Variants in GRIK4 observed in about 807,000 individuals in gnomAD.
The protein encoded by GRIK4 is glutamate ionotropic receptor kainate type subunit 4.
GRIK4 carries 40 observed loss-of-function variants against 104.9 expected under a neutral mutation model. The observed-to-expected ratio is 0.38, with a 90% CI of 0.30 to 0.50. GRIK4 has a LOEUF of 0.50. Ranked by LOEUF, GRIK4 falls within the 20% of genes least tolerant of loss-of-function variation. The pLI is 0.93. For synonymous variants in GRIK4, 485 were observed against 524.9 expected, an observed-to-expected ratio of 0.92 and a Z score of 1.04; for missense variants, 1,047 against 1,308.1, an observed-to-expected ratio of 0.80 and a Z score of 3.08.
chr11:120,875,301 T>G, intron 11 of GRIK4, 58 bp downstream of exon 11: 2 of 1,100,780 alleles, frequency 1.8e-6, no homozygotes, highest in Admixed American at 3.4e-5. Context: ...ATTTCATTGA[T>G]GCCTCGGTGT....
intron 1 of GRIK4, among the ~76,000 whole-genome samples, chr11:120,582,972 C>T (rs1948608974): frequency 6.6e-6 from 1 of 152,218 alleles, no homozygotes; most frequent in South Asian, 2.1e-4. Flanking sequence ...ACATTCCCAC[C>T]AGCAGTGTAT....
At position 120,861,995 on chromosome 11, in the gene GRIK4, G is replaced by T. The variant is rs531010515; in HGVS notation, c.781G>T (p.Asp261Tyr). The T allele has an allele frequency of 6.2e-7, 1 of 1,613,904 alleles. No individual in the cohort carries two copies. The highest frequency in any genetic ancestry group is 1.3e-5 in the African/African-American group (1 of 75,058). The change falls in exon 9 of 21, where the codon GAT becomes TAT. Residue 261 changes from aspartate to tyrosine, a missense_variant. Around this residue, in one of 3 missense-constraint regions of GRIK4, gnomAD observed 447 missense variants for 514.9 expected, o/e 0.87. Transcript: ENST00000527524. ...SLQRMDSLVD[D>Y]RVNILGFSIF... ...CCAGAGAATGGACAGCCTTGTGGAT[G>T]ATCGTGTCAACATCCTGGGATTTTC... is the stretch of plus-strand genomic sequence containing the variant.
intron 1 of GRIK4, among the ~76,000 whole-genome samples, chr11:120,633,137 A>G (rs1367296412): frequency 6.6e-6 from 1 of 152,170 alleles, no homozygotes; most frequent in Non-Finnish European, 1.5e-5. Context: ...AGTAGAGTCA[A>G]CCAAGAACAT....
chr11:120,617,617 T>G (rs1949132935), intron 1 of GRIK4, among the ~76,000 whole-genome samples: 1 of 152,174 alleles, frequency 6.6e-6, no homozygotes, highest in Admixed American at 6.5e-5. Flanking sequence ...GATTGGATCA[T>G]AGAGGTGGAT....
intron 11 of GRIK4, among the ~76,000 whole-genome samples, chr11:120,890,250 T>C (rs1421462079): frequency 6.6e-6 from 1 of 152,192 alleles, no homozygotes; most frequent in Non-Finnish European, 1.5e-5. Flanking sequence ...TATTTCCAGA[T>C]GGAGAAGGTT....
intron 6 of GRIK4, among the ~76,000 whole-genome samples, 183 bp from the exon 7 acceptor site, chr11:120,831,669 A>G (rs58359402): frequency 0.36 from 55,286 of 151,990 alleles, 11,357 homozygotes; most frequent in East Asian, 0.51. Context: ...AGATGGGATC[A>G]TTGAAGCCCA....
chr11:120,893,794 T>C (rs187427007), intron 11 of GRIK4, among the ~76,000 whole-genome samples: 11 of 152,342 alleles, frequency 7.2e-5, no homozygotes, highest in Admixed American at 2.0e-4. Flanking sequence ...GGTCTTTTTT[T>C]TTCCCCCCAG....
chr11:120,766,815 A>G (rs1951848910), intron 3 of GRIK4, among the ~76,000 whole-genome samples: 1 of 150,356 alleles, frequency 6.7e-6, no homozygotes, highest in South Asian at 2.1e-4. Context: ...GAAATGAACC[A>G]GGTACCTCAG....
At chr11:120,569,436 G>A (rs1487305134) in intron 1 of GRIK4, among the ~76,000 whole-genome samples, 3 of 152,168 alleles carry the variant, frequency 2.0e-5, no homozygotes. Context: ...CTCTTGGACT[G>A]GAACAGATAC....
intron 16 of GRIK4, among the ~76,000 whole-genome samples, chr11:120,959,347 G>C (rs1944236934): frequency 6.6e-6 from 1 of 152,204 alleles, no homozygotes; most frequent in South Asian, 2.1e-4. Context: ...TCACTCCTGG[G>C]GAGGCAGCCA....
intron 3 of GRIK4, among the ~76,000 whole-genome samples, chr11:120,782,932 C>T (rs541522612): frequency 1.3e-5 from 2 of 152,308 alleles, no homozygotes; most frequent in East Asian, 3.9e-4. Flanking sequence ...AAGTTTCTGC[C>T]TTCCGAAGAG....
intron 1 of GRIK4, among the ~76,000 whole-genome samples, chr11:120,540,904 G>A (rs1342134761): frequency 6.6e-6 from 1 of 152,204 alleles, no homozygotes; most frequent in Admixed American, 6.5e-5. Flanking sequence ...TTGAGCCTGG[G>A]AGTTGAAGAG....
intron 7 of GRIK4, among the ~76,000 whole-genome samples, chr11:120,836,285 T>G (rs372199335): frequency 2.9e-4 from 44 of 152,310 alleles, no homozygotes; most frequent in African/African-American, 1.0e-3. Flanking sequence ...CCTTTCGTTG[T>G]GTCAGTTTCC....
At chr11:120,755,720 G>A (rs772028096) in intron 3 of GRIK4, among the ~76,000 whole-genome samples, 3 of 152,098 alleles carry the variant, frequency 2.0e-5, no homozygotes, top group South Asian at 2.1e-4. Flanking sequence ...GAGCCTGCTT[G>A]TGAAGGTCCC....
rs926270567 is a variant in GRIK4 at position 120,956,737 on chromosome 11, C to G, written c.1701-43C>G. 6.3e-6 allele frequency: 9 copies of G among 1,434,544 alleles called. No individual in the cohort carries two copies. The highest frequency in any genetic ancestry group is 8.4e-6 in the Non-Finnish European group (9 of 1,070,628). The allele number at this position is 1,434,544 out of a possible 1,614,324, so 88.9% of individuals were successfully genotyped here. ...GAGAGCCTGCCTGTGTCCCTTCACA[C>G]CCCGCCTCTGTGGCACTAGTGTATG... On this transcript the variant is annotated intron_variant, in intron 15 of 20. Transcript: ENST00000527524. The surrounding 1 kb of genome is among the most constrained non-coding windows in gnomAD (Gnocchi z 4.6).
intron 3 of GRIK4, among the ~76,000 whole-genome samples, chr11:120,754,930 A>T (rs1368530052): frequency 1.3e-5 from 2 of 152,112 alleles, no homozygotes; most frequent in Non-Finnish European, 2.9e-5. Context: ...ATAACCCCTT[A>T]TCATTTATAT....
chr11:120,889,497 A>G (rs1210459210), intron 11 of GRIK4, among the ~76,000 whole-genome samples: 1 of 147,684 alleles, frequency 6.8e-6, no homozygotes, highest in East Asian at 2.0e-4. Context: ...ACCTGAGAGT[A>G]AAAAAAAAAG....
At chr11:120,666,165 G>A (rs547943976) in intron 3 of GRIK4, among the ~76,000 whole-genome samples, 1 of 152,206 alleles carries the variant, frequency 6.6e-6, no homozygotes, top group Non-Finnish European at 1.5e-5. Context: ...GGTGTATAGC[G>A]TGTTCTTACA....
intron 3 of GRIK4, 36 bp downstream of exon 3, chr11:120,660,436 C>T: frequency 1.0e-5 from 15 of 1,495,784 alleles, no homozygotes; most frequent in East Asian, 2.3e-5. Flanking sequence ...TGCCCCCACC[C>T]ACTATCCCAG....
Sources: gnomAD v4.1 joint callset for allele counts (sites outside exome capture counted in the v4.1 genomes callset) on GRCh38, gnomAD v4.1.1 for gene constraint, gnomAD v4.1.1 regional missense constraint, Gnocchi (gnomAD v3.1) non-coding constraint, MANE v1.5 for transcripts, NCBI Gene and HGNC (gene_info 2026-07-23, HGNC 2026-07-21) for gene names.